The following LDHB variants were observed in gnomAD, a reference collection of about 807,000 sequenced individuals.
LDHB encodes the protein L-lactate dehydrogenase B chain.
Under a neutral mutation model 33.4 loss-of-function variants are expected in LDHB, and 18 were observed. The observed-to-expected ratio is 0.54, with a 90% CI of 0.37 to 0.80. LDHB has a LOEUF of 0.80. Among genes scored for constraint, LDHB ranks in the 30% least tolerant of loss-of-function variants. The pLI is 0.00. For missense variants in LDHB, 345 were observed against 407.9 expected, an observed-to-expected ratio of 0.85 and a Z score of 1.33; for synonymous variants, 121 against 140.6, an observed-to-expected ratio of 0.86 and a Z score of 0.98.
intron 3 of LDHB, among the ~76,000 whole-genome samples, 159 bp from the exon 4 acceptor site, chr12:21,644,267 G>A (rs1302235181): frequency 2.0e-5 from 3 of 151,840 alleles, no homozygotes; most frequent in African/African-American, 7.3e-5. Context: ...TAATGTTCCT[G>A]TGGCTTCTTT....
intron 4 of LDHB, among the ~76,000 whole-genome samples, chr12:21,643,107 G>A (rs1616506): frequency 0.95 from 143,822 of 152,188 alleles, 68,464 homozygotes; most frequent in East Asian, 1. Context: ...TTGGTTTGCA[G>A]AAGTAAAAAT....
intron 5 of LDHB, among the ~76,000 whole-genome samples, chr12:21,639,329 C>T (rs1938303528): frequency 6.6e-6 from 1 of 151,770 alleles, no homozygotes; most frequent in Non-Finnish European, 1.5e-5. Flanking sequence ...AAATAACAGC[C>T]ATAATGTAAT....
intron 1 of LDHB, among the ~76,000 whole-genome samples, chr12:21,656,597 G>C (rs1938851742): frequency 6.6e-6 from 1 of 152,198 alleles, no homozygotes; most frequent in Non-Finnish European, 1.5e-5. Context: ...TCGTTGTTCT[G>C]ATAGACCTTT....
In LDHB at chr12:21,637,516, T is replaced by C. The variant is rs182734948; in HGVS notation, c.714-322A>G. The C allele has an allele frequency of 6.8e-4, 165 of 241,804 alleles. 2 individuals are homozygous for C. The highest frequency in any genetic ancestry group is 3.5e-3 in the African/African-American group (153 of 43,714). The allele number at this position is 241,804 out of a possible 1,614,324, so 15.0% of individuals were successfully genotyped here. A position where few individuals can be genotyped will look rare whatever the true frequency, so the allele number is the denominator to read the frequency against. On this transcript the variant is annotated intron_variant, in intron 6 of 7. Coordinates refer to ENST00000350669, the MANE Select transcript of LDHB (RefSeq NM_002300.8). ...ATCTGTAAACATATTTCCAAACACATAAAATCAGGAAACAATAAAAGTGAA... is the reference window on the plus strand; with the variant it reads ...ATCTGTAAACATATTTCCAAACACACAAAATCAGGAAACAATAAAAGTGAA...
At chr12:21,638,744 G>A (rs1938285146) in intron 5 of LDHB, among the ~76,000 whole-genome samples, 1 of 151,920 alleles carries the variant, frequency 6.6e-6, no homozygotes, top group Non-Finnish European at 1.5e-5. Flanking sequence ...AAAATTCTTT[G>A]CTTCTCTCTA....
intron 3 of LDHB, among the ~76,000 whole-genome samples, chr12:21,645,979 T>C (rs1013717135): frequency 1.3e-5 from 2 of 152,168 alleles, no homozygotes; most frequent in Non-Finnish European, 2.9e-5. Context: ...CTCAGATACA[T>C]ATAAACAAGG....
chr12:21,644,424 C>CAAAAAAAAAAAAAAAAAAAAAAA (rs72491634), intron 3 of LDHB, among the ~76,000 whole-genome samples: 5 of 15,250 alleles, frequency 3.3e-4, no homozygotes, highest in Admixed American at 2.3e-3. Context: ...AGGTAGACAT[C>CAAAAAAAAAAAAAAAAAAAAAAA]AAAAAAAAAA....
intron 5 of LDHB, among the ~76,000 whole-genome samples, chr12:21,639,420 T>A (rs1457286010): frequency 2.0e-5 from 3 of 151,968 alleles, no homozygotes; most frequent in African/African-American, 7.2e-5. Context: ...CAATAGCTAC[T>A]TCACCTACTT....
chr12:21,651,774 T>C (rs556992058), intron 2 of LDHB, among the ~76,000 whole-genome samples: 1 of 152,374 alleles, frequency 6.6e-6, no homozygotes, highest in South Asian at 2.1e-4. Context: ...GGAACCACTT[T>C]TATCTTTAAC....
At chr12:21,647,182 T>C (rs2136973765) in intron 2 of LDHB, among the ~76,000 whole-genome samples, 166 bp from the exon 3 acceptor site, 1 of 152,342 alleles carries the variant, frequency 6.6e-6, no homozygotes, top group African/African-American at 2.4e-5. Flanking sequence ...GTTCACATGA[T>C]ACAAACTATA....
At chr12:21,641,254 A>T (rs1938361682) in intron 5 of LDHB, among the ~76,000 whole-genome samples, 1 of 152,148 alleles carries the variant, frequency 6.6e-6, no homozygotes, top group African/African-American at 2.4e-5. Flanking sequence ...AGTTAGTGTC[A>T]CCAATTGTTG....
chr12:21,639,381 G>A (rs1938305488), intron 5 of LDHB, among the ~76,000 whole-genome samples: 1 of 151,912 alleles, frequency 6.6e-6, no homozygotes, highest in Admixed American at 6.6e-5. Context: ...TCTAGTGGTA[G>A]CTATGGCATT....
intron 2 of LDHB, among the ~76,000 whole-genome samples, chr12:21,650,149 CACGT>C (rs1938646334): frequency 6.9e-6 from 1 of 145,754 alleles, no homozygotes; most frequent in African/African-American, 2.7e-5. Context: ...CACACACACA[CACGT>C]CTCTCTCTCC....
intron 4 of LDHB, among the ~76,000 whole-genome samples, chr12:21,643,039 CAT>C (rs1462871655): frequency 6.6e-6 from 1 of 152,200 alleles, no homozygotes; most frequent in African/African-American, 2.4e-5. Flanking sequence ...CTACCTGGCA[CAT>C]ATATATTTAT....
rs79867159 is a variant in LDHB at position 21,641,935 on chromosome 12, C to CTT, written c.595+15_595+16dup. The stretch of plus-strand genomic sequence containing the variant: ...AAACCAACATCACAAGTAATTATTT[C>CTT]TTTTTTTTTTCTTTACCACTTGAGT... On this transcript the variant is annotated intron_variant, in intron 5 of 7. Coordinates refer to ENST00000350669, the MANE Select transcript of LDHB (RefSeq NM_002300.8). The CTT allele has an allele frequency of 1.3e-5, 16 of 1,274,770 alleles. No homozygotes were observed. Among genetic ancestry groups the CTT allele is most frequent in the Admixed American group, 6.0e-5 (3 of 50,140 alleles). The allele number at this position is 1,274,770 out of a possible 1,614,324, so 79.0% of individuals were successfully genotyped here. A position where few individuals can be genotyped will look rare whatever the true frequency, so the allele number is the denominator to read the frequency against.
intron 3 of LDHB, among the ~76,000 whole-genome samples, chr12:21,646,482 T>C (rs1938530428): frequency 6.6e-6 from 1 of 152,184 alleles, no homozygotes. Flanking sequence ...AAAATTGGCC[T>C]ATAGAAGAAA....
chr12:21,642,967 G>GC (rs1363300197), intron 4 of LDHB, among the ~76,000 whole-genome samples: 3 of 152,220 alleles, frequency 2.0e-5, no homozygotes, highest in Non-Finnish European at 4.4e-5. Context: ...AGTGACGCCT[G>GC]CCTGAGGCAC....
intron 5 of LDHB, among the ~76,000 whole-genome samples, chr12:21,640,443 T>C (rs926614108): frequency 1.3e-4 from 20 of 151,526 alleles, no homozygotes; most frequent in Non-Finnish European, 2.2e-4. Flanking sequence ...AAGAAACTAT[T>C]TAGTTTTATC....
At position 21,637,141 on chromosome 12, in the gene LDHB, C is replaced by T. The variant is rs145355418; in HGVS notation, c.767G>A (p.Ser256Asn). 3.8e-4 allele frequency: 611 copies of T among 1,605,460 alleles called. No homozygotes were observed. Among genetic ancestry groups the T allele is most frequent in the Admixed American group, 1.0e-3 (61 of 59,968 alleles). The stretch of plus-strand genomic sequence containing the variant: ...CATGGATTCAATAAGATCAGCCACA[C>T]TTAATCCAATAGCCCAGTTGGTATA... ...KGYTNWAIGLSVADLIESMLK... is the reference protein window; with the variant it reads ...KGYTNWAIGLNVADLIESMLK... The change falls in exon 7 of 8, where the codon AGT becomes AAT. Residue 256 changes from serine to asparagine, a missense_variant. Ser to Asn is a conservative substitution (Grantham distance 46). Transcript: ENST00000350669.
Sources: gnomAD v4.1 joint callset for allele counts (sites outside exome capture counted in the v4.1 genomes callset) on GRCh38, gnomAD v4.1.1 for gene constraint, MANE v1.5 for transcripts, NCBI Gene and HGNC (gene_info 2026-07-23, HGNC 2026-07-21) for gene names.